SUSD6: variants seen among roughly 807,000 people sequenced by gnomAD.
SUSD6 encodes sushi domain-containing protein 6.
A neutral mutation model predicts 28.4 loss-of-function variants in SUSD6; 16 were observed. That is an observed-to-expected ratio of 0.56 (90% CI 0.38 to 0.86). The LOEUF (loss-of-function observed/expected upper bound fraction) is 0.86, where lower values mean the gene tolerates loss of function less well. Ranked by LOEUF, SUSD6 falls within the 40% of genes least tolerant of loss-of-function variation. SUSD6 has a pLI of 0.00. For missense variants in SUSD6, 341 were observed against 384.2 expected (o/e 0.89, Z 0.94); for synonymous variants, 147 against 159.6 (o/e 0.92, Z 0.59).
rs752923809 is a variant in SUSD6 at position 69,710,910 on chromosome 14, C to T, written c.887-44C>T. The T allele has an allele frequency of 3.7e-6, 6 of 1,606,672 alleles. No homozygotes were observed. In the South Asian group the frequency reaches 6.6e-5, roughly 18 times the overall value. On this transcript the variant is annotated intron_variant, in intron 5 of 5. Transcript: ENST00000342745. ...GTGGGGTCGAGAGTGCTCTAGAGTT[C>T]CACACAAGGTAACCACTGTGCTTTT...
intron 2 of SUSD6, among the ~76,000 whole-genome samples, chr14:69,660,553 C>G (rs1186706364): frequency 6.6e-6 from 1 of 152,234 alleles, no homozygotes; most frequent in East Asian, 1.9e-4. Flanking sequence ...CACCCCAAAA[C>G]CAGAGGAGGC....
chr14:69,710,396 G>T (rs913459059), intron 5 of SUSD6, among the ~76,000 whole-genome samples: 25 of 152,200 alleles, frequency 1.6e-4, no homozygotes, highest in African/African-American at 6.0e-4. Flanking sequence ...CTATACTCAA[G>T]AAATAATAGA....
chr14:69,653,747 CTTTTTTT>C lies in SUSD6; in HGVS notation c.-80-4752_-80-4746del, dbSNP rs3048700. 5.8e-3 allele frequency among the ~76,000 whole-genome samples: 538 copies of C among 93,258 alleles called. 6 individuals are homozygous for C. Among genetic ancestry groups the C allele is most frequent in the African/African-American group, 0.021 (511 of 24,452 alleles). The allele number at this position is 93,258 out of a possible 152,430, so 61.2% of individuals were successfully genotyped here. On this transcript the variant is annotated intron_variant, in intron 1 of 5. Transcript: ENST00000342745. Reference sequence around the variant, plus strand: ...TAGGGATAATGAATACCTAGTGAAACTTTTTTTTTTTTTTTTTTTTGCTTGGTGTACT... The same window carrying C: ...TAGGGATAATGAATACCTAGTGAAACTTTTTTTTTTTTTGCTTGGTGTACT...
At chr14:69,704,549 A>G (rs889298762) in intron 3 of SUSD6, 55 bp from the exon 4 acceptor site, 2 of 1,556,102 alleles carry the variant, frequency 1.3e-6, no homozygotes, top group African/African-American at 2.7e-5. Flanking sequence ...GGGGCCCATC[A>G]GCTGTTTTGT....
intron 5 of SUSD6, among the ~76,000 whole-genome samples, chr14:69,709,400 G>A (rs555795118): frequency 9.2e-5 from 14 of 152,212 alleles, no homozygotes; most frequent in African/African-American, 3.4e-4. Context: ...GTTGGGGGTG[G>A]GGTCTGTCCT....
intron 1 of SUSD6, among the ~76,000 whole-genome samples, chr14:69,650,713 C>G (rs1316272255): frequency 6.6e-6 from 1 of 152,152 alleles, no homozygotes. Flanking sequence ...TCCCTTTCTC[C>G]CTGGGCCCCT....
At chr14:69,682,112 A>T (rs188860280) in intron 2 of SUSD6, among the ~76,000 whole-genome samples, 19 of 152,258 alleles carry the variant, frequency 1.2e-4, no homozygotes, top group African/African-American at 4.6e-4. Context: ...TGGGAAGACC[A>T]CTTGAGGCCA....
intron 1 of SUSD6, chr14:69,615,469 C>G (rs1884946118): frequency 6.6e-6 from 1 of 152,240 alleles, no homozygotes; most frequent in Non-Finnish European, 1.5e-5. Flanking sequence ...CACCTGTGTT[C>G]TTCTTGGGCT....
At chr14:69,709,370 T>A (rs1304482085) in intron 5 of SUSD6, among the ~76,000 whole-genome samples, 1 of 152,126 alleles carries the variant, frequency 6.6e-6, no homozygotes, top group African/African-American at 2.4e-5. Flanking sequence ...CCTTGCTAAA[T>A]CAAAAGACAG....
At chr14:69,612,152 C>T (rs1884886683) in intron 1 of SUSD6, among the ~76,000 whole-genome samples, 1 of 152,004 alleles carries the variant, frequency 6.6e-6, no homozygotes, top group Non-Finnish European at 1.5e-5. Flanking sequence ...GCGTCGCTGC[C>T]CGGGCAGCAC....
chr14:69,684,459 C>G (rs1266095145), intron 2 of SUSD6, among the ~76,000 whole-genome samples: 1 of 152,188 alleles, frequency 6.6e-6, no homozygotes, highest in Non-Finnish European at 1.5e-5. Flanking sequence ...GACAAGCAAG[C>G]ATAAACATGT....
In SUSD6 at chr14:69,662,462, C is replaced by T. The variant is rs187535001; in HGVS notation, c.121+3749C>T. ...TTTCCATACTGGTTTCTCTCATCTA[C>T]AGCTCGAGATTTGCAGTTATAGCAG... On this transcript the variant is annotated intron_variant, in intron 2 of 5. Transcript: ENST00000342745. Among the ~76,000 whole-genome samples, 4 of 152,306 alleles carry T rather than the reference C, an allele frequency of 2.6e-5. No individual in the cohort carries two copies. In the East Asian group the frequency reaches 7.7e-4, roughly 29 times the overall value.
At chr14:69,686,766 T>C (rs761044911) in intron 2 of SUSD6, among the ~76,000 whole-genome samples, 2 of 152,212 alleles carry the variant, frequency 1.3e-5, no homozygotes, top group Non-Finnish European at 2.9e-5. Context: ...CCTGCGCCCA[T>C]GATTCCAGTC....
chr14:69,663,287 T>C (rs1885689335), intron 2 of SUSD6, among the ~76,000 whole-genome samples: 1 of 152,246 alleles, frequency 6.6e-6, no homozygotes, highest in South Asian at 2.1e-4. Context: ...CCTTAAAATG[T>C]TGCCATGACA....
chr14:69,676,863 T>A (rs565991561), intron 2 of SUSD6, among the ~76,000 whole-genome samples: 9 of 152,376 alleles, frequency 5.9e-5, no homozygotes, highest in African/African-American at 1.7e-4. Flanking sequence ...CCGAAAGGTA[T>A]AGATTTCATT....
chr14:69,710,028 A>G (rs1886440687), intron 5 of SUSD6, among the ~76,000 whole-genome samples: 1 of 152,214 alleles, frequency 6.6e-6, no homozygotes, highest in African/African-American at 2.4e-5. Context: ...CTGAAAGCAG[A>G]TCATGTTTAT....
rs533862002 is a variant in SUSD6 at position 69,635,531 on chromosome 14, G to A, written c.-80-22982G>A. 2.6e-5 allele frequency among the ~76,000 whole-genome samples: 4 copies of A among 151,868 alleles called. No homozygotes were observed. In the East Asian group the frequency reaches 7.8e-4, roughly 30 times the overall value. On this transcript the variant is annotated intron_variant, in intron 1 of 5. Coordinates refer to ENST00000342745, the MANE Select transcript of SUSD6 (RefSeq NM_014734.4). ...GCCTTTCAGGAGGACATATTCTAAA[G>A]AGTTGTTTTTTGGGTGGAAGAGAAG...
chr14:69,617,165 C>T (rs1157514054), intron 1 of SUSD6: 1 of 152,192 alleles, frequency 6.6e-6, no homozygotes, highest in Non-Finnish European at 1.5e-5. Context: ...TGATATACCA[C>T]ATTTTGTTTA....
At chr14:69,699,069 T>C in intron 2 of SUSD6, among the ~76,000 whole-genome samples, 1 of 152,206 alleles carries the variant, frequency 6.6e-6, no homozygotes, top group Non-Finnish European at 1.5e-5. Flanking sequence ...GAACAATTTC[T>C]TTGCCATGTG....
Sources: gnomAD v4.1 joint callset for allele counts (sites outside exome capture counted in the v4.1 genomes callset) on GRCh38, gnomAD v4.1.1 for gene constraint, MANE v1.5 for transcripts, NCBI Gene and HGNC (gene_info 2026-07-23, HGNC 2026-07-21) for gene names.